Variants in SPINK5 observed in about 807,000 individuals in gnomAD.
The protein encoded by SPINK5 is serine peptidase inhibitor Kazal type 5.
A neutral mutation model predicts 151.8 loss-of-function variants in SPINK5; 125 were observed. The ratio of observed to expected loss-of-function variants is 0.82; its 90% CI spans 0.71 to 0.96. SPINK5 has a LOEUF of 0.96. SPINK5 is among the 40% of genes least tolerant of loss of function. The pLI is 0.00. For missense variants in SPINK5, 1,194 were observed against 1,291.9 expected, an observed-to-expected ratio of 0.92 and a Z score of 1.16; for synonymous variants, 374 against 395.3, an observed-to-expected ratio of 0.95 and a Z score of 0.64.
intron 15 of SPINK5, among the ~76,000 whole-genome samples, chr5:148,102,363 A>G (rs558675891): frequency 6.6e-6 from 1 of 152,356 alleles, no homozygotes; most frequent in African/African-American, 2.4e-5. Context: ...TTTCAAAAAC[A>G]TTAAAAAAGT....
chr5:148,088,501 T>G (rs748373697), intron 5 of SPINK5, 41 bp from the exon 6 acceptor site: 25 of 1,581,156 alleles, frequency 1.6e-5, no homozygotes, highest in East Asian at 2.2e-5. Context: ...TGGGAAGTTC[T>G]GTGATATTAA....
At chr5:148,072,999 A>G (rs1301786324) in intron 4 of SPINK5, among the ~76,000 whole-genome samples, 3 of 151,896 alleles carry the variant, frequency 2.0e-5, no homozygotes, top group East Asian at 1.9e-4. Flanking sequence ...AAATCTTTAC[A>G]AAATTATAAA....
chr5:148,135,083 T>A (rs1258003030), intron 32 of SPINK5, among the ~76,000 whole-genome samples: 1 of 152,178 alleles, frequency 6.6e-6, no homozygotes, highest in Non-Finnish European at 1.5e-5. Flanking sequence ...CTTTCTCATG[T>A]GGGCTTGACA....
At chr5:148,068,651 T>G (rs986604118) in intron 2 of SPINK5, among the ~76,000 whole-genome samples, 1 of 150,922 alleles carries the variant, frequency 6.6e-6, no homozygotes, top group Non-Finnish European at 1.5e-5. Flanking sequence ...AATAGAAACC[T>G]TTAATAAATT....
intron 30 of SPINK5, among the ~76,000 whole-genome samples, chr5:148,127,575 G>A (rs1394353361): frequency 6.6e-6 from 1 of 152,140 alleles, no homozygotes; most frequent in Non-Finnish European, 1.5e-5. Flanking sequence ...AGGCTGAGCT[G>A]GGTGCGGTGG....
At chr5:148,119,122 A>G in intron 24 of SPINK5, 64 bp downstream of exon 24, 2 of 1,485,710 alleles carry the variant, frequency 1.3e-6, no homozygotes, top group Admixed American at 3.3e-5. Flanking sequence ...GGCGATCAAA[A>G]CTATAGAAGA....
intron 10 of SPINK5, among the ~76,000 whole-genome samples, chr5:148,097,073 T>C (rs1307127355): frequency 6.6e-6 from 1 of 151,012 alleles, no homozygotes; most frequent in East Asian, 2.0e-4. Context: ...TTCTCCTTTT[T>C]CTTTTTCTTC....
rs2303062 is a variant in SPINK5, at chr5:148,100,444, A to C, written c.1093-10A>C. On this transcript the variant is annotated splice_polypyrimidine_tract_variant and intron_variant, in intron 12 of 32. Transcript: ENST00000256084. ...AATATATGGCCAACTTACTTCTTCT[A>C]TCTCGGCAGGAGCTTTGCAGTGAAT... 3.1e-6 allele frequency: 5 copies of C among 1,607,838 alleles called. No homozygotes were observed. In the Admixed American group the frequency reaches 5.0e-5, roughly 16 times the overall value.
In SPINK5 at chr5:148,116,461, A is replaced by T. The variant is rs2113177970; in HGVS notation, c.2107A>T (p.Thr703Ser). The T allele has an allele frequency of 6.2e-7, 1 of 1,614,090 alleles. No individual in the cohort carries two copies. Among genetic ancestry groups the T allele is most frequent in the East Asian group, 2.2e-5 (1 of 44,880 alleles). ...HGSSGGGGGN[T>S]QDECAEYREQ... The stretch of plus-strand genomic sequence containing the variant: ...TTCCAGTGGTGGTGGAGGAGGAAAC[A>T]CTCAGGTGAGAGCAACCTCTAATTT... Residue 703 changes from threonine to serine, a missense_variant, in exon 22 of 33, where the codon ACT (threonine) becomes TCT (serine). Physicochemically the swap from Thr to Ser is moderately conservative, Grantham distance 58 (BLOSUM62 1). Coordinates refer to ENST00000256084, the MANE Select transcript of SPINK5 (RefSeq NM_006846.4).
In SPINK5 at chr5:148,070,322, G is replaced by T. The variant is rs1362812405; in HGVS notation, c.82-1G>T. On this transcript the variant is annotated splice_acceptor_variant, in intron 2 of 32. Coordinates refer to ENST00000256084, the MANE Select transcript of SPINK5 (RefSeq NM_006846.4). LOFTEE classifies it high-confidence loss of function. ...ACACAACTTTTTTGGCATTATCTTA[G>T]GAAATGTGCCATGAATTTCAGGCAT... 1 of 1,612,020 alleles carries T rather than the reference G, an allele frequency of 6.2e-7. No homozygotes were observed.
chr5:148,090,716 C>T, intron 7 of SPINK5: 1 of 171,340 alleles, frequency 5.8e-6, no homozygotes, highest in Non-Finnish European at 1.3e-5. Context: ...CAAAGTTATA[C>T]TTAAGGGTGT....
intron 17 of SPINK5, among the ~76,000 whole-genome samples, chr5:148,108,160 A>C (rs1442157849): frequency 6.6e-6 from 1 of 152,224 alleles, no homozygotes; most frequent in Non-Finnish European, 1.5e-5. Flanking sequence ...TTAACATGCT[A>C]TATGTCAGTA....
chr5:148,135,133 C>T (rs1456268655), intron 32 of SPINK5, among the ~76,000 whole-genome samples: 2 of 152,106 alleles, frequency 1.3e-5, no homozygotes, highest in Non-Finnish European at 2.9e-5. Flanking sequence ...TACTCTGGTT[C>T]TTTACCAGGA....
intron 4 of SPINK5, among the ~76,000 whole-genome samples, chr5:148,079,927 A>G (rs573152888): frequency 6.6e-6 from 1 of 151,108 alleles, no homozygotes; most frequent in African/African-American, 2.4e-5. Flanking sequence ...AAATTAATTA[A>G]TTAATTAATT....
At chr5:148,121,999 TGA>T (rs1317373474) in intron 26 of SPINK5, among the ~76,000 whole-genome samples, 1 of 128,764 alleles carries the variant, frequency 7.8e-6, no homozygotes, top group African/African-American at 4.0e-5. Context: ...AGATTGTGTG[TGA>T]GTGTGTGTGT....
At chr5:148,068,578 AAAAG>A (rs1554101970) in intron 2 of SPINK5, among the ~76,000 whole-genome samples, 763 of 74,366 alleles carry the variant, frequency 0.01, 5 homozygotes, top group East Asian at 0.037. Context: ...AAAAAAAAAA[AAAAG>A]AAAGAAAGAA....
chr5:148,103,679 C>T (rs1753706210), intron 15 of SPINK5, among the ~76,000 whole-genome samples: 2 of 152,114 alleles, frequency 1.3e-5, no homozygotes, highest in South Asian at 2.1e-4. Context: ...AAAGAAATAA[C>T]CTTTATCACC....
chr5:148,120,209 A>C lies in SPINK5; in HGVS notation c.2441+73A>C, dbSNP rs113015193. 817 of 1,612,572 alleles carry C rather than the reference A, an allele frequency of 5.1e-4. 3 individuals are homozygous for C. The African/African-American group carries it at 9.3e-3, about 18-fold the overall frequency. The stretch of plus-strand genomic sequence containing the variant: ...ATAATCATTTCTTACCAGTTTGGGA[A>C]AATGACAATTGTTTTAGAAGCAGAT... On this transcript the variant is annotated intron_variant, in intron 25 of 32. Coordinates refer to ENST00000256084, the MANE Select transcript of SPINK5 (RefSeq NM_006846.4).
At chr5:148,111,498 G>A (rs983627943) in intron 18 of SPINK5, among the ~76,000 whole-genome samples, 6 of 152,124 alleles carry the variant, frequency 3.9e-5, no homozygotes, top group African/African-American at 1.4e-4. Flanking sequence ...ACCAATTTAA[G>A]AGGCCATACA....
Sources: allele counts gnomAD v4.1 joint callset (sites outside exome capture counted in the v4.1 genomes callset), GRCh38; gene constraint gnomAD v4.1.1; transcripts MANE v1.5; gene names NCBI Gene and HGNC (gene_info 2026-07-23, HGNC 2026-07-21).